FER: variants seen among roughly 807,000 people sequenced by gnomAD.
FER encodes FER tyrosine kinase.
FER carries 63 observed loss-of-function variants against 111.0 expected under a neutral mutation model. The ratio of observed to expected loss-of-function variants is 0.57; its 90% confidence interval spans 0.46 to 0.70. FER has a LOEUF of 0.70. Ranked by LOEUF, FER falls within the 30% of genes least tolerant of loss-of-function variation. The pLI, the probability that FER is intolerant of heterozygous loss-of-function variation, is 0.00. For synonymous variants in FER, 327 were observed against 313.9 expected (o/e 1.04, Z -0.44); for missense variants, 914 against 954.0 (o/e 0.96, Z 0.55).
At chr5:108,819,898 AT>A (rs1554071558) in intron 3 of FER, 1 of 985,268 alleles carries the variant, frequency 1.0e-6, no homozygotes, top group Non-Finnish European at 1.2e-6. Flanking sequence ...AAGGCAGTAG[AT>A]GAAAAGGTTG....
intron 5 of FER, among the ~76,000 whole-genome samples, chr5:108,838,319 G>GCTACTCAGATATTTGTCTGGCA (rs1760883772): frequency 6.6e-6 from 1 of 152,058 alleles, no homozygotes; most frequent in South Asian, 2.1e-4. Context: ...GCTTACAATA[G>GCTACTCAGATATTTGTCTGGCA]CTACTCAGAT....
intron 8 of FER, among the ~76,000 whole-genome samples, chr5:108,877,720 T>C (rs1318949718): frequency 6.6e-6 from 1 of 152,194 alleles, no homozygotes; most frequent in African/African-American, 2.4e-5. Context: ...AGTTTCAGCA[T>C]TGCAAATTTC....
chr5:109,052,764 C>T (rs901848393), intron 16 of FER, among the ~76,000 whole-genome samples: 65 of 152,282 alleles, frequency 4.3e-4, no homozygotes, highest in African/African-American at 1.5e-3. Flanking sequence ...GTAGTACTTA[C>T]ACTCATAGGG....
chr5:109,113,443 A>T (rs546043282), intron 17 of FER, among the ~76,000 whole-genome samples: 2 of 152,290 alleles, frequency 1.3e-5, no homozygotes, highest in South Asian at 4.1e-4. Flanking sequence ...ATATTACTGG[A>T]TGAAAATGTC....
In FER at chr5:108,895,664, A is replaced by G. The variant is rs185972875; in HGVS notation, c.1047-1995A>G. Among the ~76,000 whole-genome samples the G allele has an allele frequency of 5.8e-3, 885 of 152,314 alleles. 3 individuals are homozygous for G. The highest frequency in any genetic ancestry group is 8.1e-3 in the Non-Finnish European group (552 of 68,028). On this transcript the variant is annotated intron_variant, in intron 9 of 19. Transcript: ENST00000281092. ...CCTGAATAATACAGGATAATCGGAC[A>G]TCTCAACATCCTCAATTTAATCATA... is the stretch of plus-strand genomic sequence containing the variant.
At chr5:109,014,269 A>G (rs1351462179) in intron 13 of FER, among the ~76,000 whole-genome samples, 2 of 152,186 alleles carry the variant, frequency 1.3e-5, no homozygotes, top group Non-Finnish European at 2.9e-5. Flanking sequence ...ATGAGGTGTC[A>G]GGAAGGGATC....
At chr5:108,792,840 C>T (rs960877776) in intron 2 of FER, among the ~76,000 whole-genome samples, 1 of 151,560 alleles carries the variant, frequency 6.6e-6, no homozygotes, top group Non-Finnish European at 1.5e-5. Context: ...TGTATATTGA[C>T]CTTGTACCCT....
intron 3 of FER, among the ~76,000 whole-genome samples, chr5:108,831,852 A>G (rs1580768963): frequency 6.6e-6 from 1 of 152,228 alleles, no homozygotes; most frequent in African/African-American, 2.4e-5. Context: ...TCTTGTCAGT[A>G]TCTGAAACCA....
chr5:109,017,190 T>C (rs577176020), intron 13 of FER, among the ~76,000 whole-genome samples: 1 of 152,128 alleles, frequency 6.6e-6, no homozygotes, highest in Non-Finnish European at 1.5e-5. Flanking sequence ...TGTTGCCTTT[T>C]GAAATGTGAG....
chr5:108,994,535 G>C (rs1357954888), intron 13 of FER, among the ~76,000 whole-genome samples: 1 of 151,916 alleles, frequency 6.6e-6, no homozygotes, highest in Non-Finnish European at 1.5e-5. Flanking sequence ...GTTTGAAGTT[G>C]GGTAGTATGA....
chr5:108,898,539 T>C, intron 10 of FER, among the ~76,000 whole-genome samples: 1 of 123,860 alleles, frequency 8.1e-6, no homozygotes, highest in African/African-American at 3.0e-5. Flanking sequence ...TTCCCTCCCT[T>C]CCCCTCCCCT....
intron 17 of FER, among the ~76,000 whole-genome samples, chr5:109,162,404 T>C (rs1429937589): frequency 6.6e-6 from 1 of 152,090 alleles, no homozygotes; most frequent in African/African-American, 2.4e-5. Context: ...ACTTGTACTG[T>C]GTTACCAAAA....
chr5:109,025,195 A>G (rs907451502), intron 13 of FER, among the ~76,000 whole-genome samples: 4 of 151,934 alleles, frequency 2.6e-5, no homozygotes, highest in African/African-American at 7.3e-5. Flanking sequence ...CATTGAATCT[A>G]TAAATTACCT....
At position 108,855,358 on chromosome 5, in the gene FER, C is replaced by A. The variant is rs537264848; in HGVS notation, c.482-12409C>A. On this transcript the variant is annotated intron_variant, in intron 5 of 19. Coordinates refer to ENST00000281092, the MANE Select transcript of FER (RefSeq NM_005246.4). ...AAAAGAATACAAAAGACCGGCCGGGCGCGGTGGCTCACGCCTGTAATCCCA... is the reference window on the plus strand; with the variant it reads ...AAAAGAATACAAAAGACCGGCCGGGAGCGGTGGCTCACGCCTGTAATCCCA... 6.6e-5 allele frequency among the ~76,000 whole-genome samples: 10 copies of A among 152,016 alleles called. No individual in the cohort carries two copies. In the East Asian group the frequency reaches 1.7e-3, roughly 26 times the overall value.
chr5:108,947,973 CG>C (rs1757207949), intron 11 of FER, among the ~76,000 whole-genome samples: 1 of 151,888 alleles, frequency 6.6e-6, no homozygotes, highest in Non-Finnish European at 1.5e-5. Context: ...CCTCCCTCCT[CG>C]GCCCCGCTAA....
At chr5:108,901,600 T>A (rs979600918) in intron 10 of FER, among the ~76,000 whole-genome samples, 2 of 152,186 alleles carry the variant, frequency 1.3e-5, no homozygotes, top group African/African-American at 4.8e-5. Flanking sequence ...ATAATCACTT[T>A]GTGTCTACCA....
intron 2 of FER, among the ~76,000 whole-genome samples, chr5:108,782,314 T>G (rs1754179687): frequency 1.3e-5 from 2 of 151,968 alleles, no homozygotes; most frequent in Admixed American, 6.6e-5. Flanking sequence ...GAGATGAAAT[T>G]TTGCTATGTT....
chr5:109,026,090 T>C (rs1448613401), intron 13 of FER, among the ~76,000 whole-genome samples: 1 of 152,196 alleles, frequency 6.6e-6, no homozygotes, highest in Non-Finnish European at 1.5e-5. Flanking sequence ...TATACAGCCT[T>C]TTGTTCAGTT....
intron 16 of FER, among the ~76,000 whole-genome samples, chr5:109,062,872 A>G (rs1044660712): frequency 4.0e-5 from 6 of 150,538 alleles, no homozygotes; most frequent in Admixed American, 1.3e-4. Context: ...TTCTCAGCTC[A>G]CACAGACTCA....
Sources: allele counts gnomAD v4.1 joint callset (sites outside exome capture counted in the v4.1 genomes callset), GRCh38; gene constraint gnomAD v4.1.1; transcripts MANE v1.5; gene names NCBI Gene and HGNC (gene_info 2026-07-23, HGNC 2026-07-21).